Variants in NUP133 observed in about 807,000 individuals in gnomAD.
NUP133 encodes nuclear pore complex protein Nup133.
A neutral mutation model predicts 146.2 loss-of-function variants in NUP133; 66 were observed. That is an observed-to-expected ratio of 0.45 (90% CI 0.37 to 0.55). NUP133 has a LOEUF of 0.55. Ranked by LOEUF, NUP133 falls within the 20% of genes least tolerant of loss-of-function variation. The probability of loss-of-function intolerance (pLI) is 0.00; values close to 1 mark genes in which losing one functional copy is unlikely to be tolerated. For missense variants in NUP133, 1,277 were observed against 1,374.8 expected (o/e 0.93, Z 1.12); for synonymous variants, 521 against 498.8 (o/e 1.04, Z -0.59).
At chr1:229,454,184 A>G (rs78399347) in intron 21 of NUP133, among the ~76,000 whole-genome samples, 2,549 of 152,216 alleles carry the variant, frequency 0.017, 71 homozygotes, top group African/African-American at 0.058. Context: ...GGTTATCTCC[A>G]TTGGATGAGG....
chr1:229,469,559 G>A (rs1660906410), intron 15 of NUP133, among the ~76,000 whole-genome samples: 1 of 152,218 alleles, frequency 6.6e-6, no homozygotes, highest in Non-Finnish European at 1.5e-5. Context: ...ACCCTAGGAT[G>A]AGGCATTATC....
At chr1:229,460,465 C>A in intron 20 of NUP133, 146 bp downstream of exon 20, 1 of 741,792 alleles carries the variant, frequency 1.3e-6, no homozygotes, top group Non-Finnish European at 2.1e-6. Context: ...GTATAAGCCA[C>A]CATGCCCAGC....
intron 14 of NUP133, among the ~76,000 whole-genome samples, chr1:229,474,012 G>A (rs1227949478): frequency 6.6e-6 from 1 of 152,172 alleles, no homozygotes; most frequent in East Asian, 1.9e-4. Context: ...TCACTTTACT[G>A]GAAGTAACAT....
At chr1:229,461,966 C>T (rs1382256665) in intron 19 of NUP133, among the ~76,000 whole-genome samples, 1 of 151,930 alleles carries the variant, frequency 6.6e-6, no homozygotes, top group African/African-American at 2.4e-5. Context: ...TCACTGCAAC[C>T]TCCTCCTTTT....
At position 229,441,113 on chromosome 1, in the gene NUP133, A is replaced by G. The variant is rs1273020341; in HGVS notation, c.*791T>C. ...TCACATCAATTGCCATATTAGGAAA[A>G]CCTATAATGGTTTCTAGTATCATTC... On this transcript the variant is annotated 3_prime_UTR_variant, in exon 26 of 26. Coordinates refer to ENST00000261396, the MANE Select transcript of NUP133 (RefSeq NM_018230.3). 15 of 265,656 alleles carry G rather than the reference A, an allele frequency of 5.6e-5. 1 individual carries two copies. Among genetic ancestry groups the G allele is most frequent in the South Asian group, 5.6e-4 (13 of 23,080 alleles). The allele number at this position is 265,656 out of a possible 1,614,324, so 16.5% of individuals were successfully genotyped here.
intron 20 of NUP133, among the ~76,000 whole-genome samples, chr1:229,459,679 C>T (rs780011706): frequency 3.3e-5 from 5 of 152,158 alleles, no homozygotes; most frequent in African/African-American, 7.2e-5. Flanking sequence ...AATGCTGTTG[C>T]AAATGAGAGA....
chr1:229,462,163 C>A (rs1219960882), intron 19 of NUP133, among the ~76,000 whole-genome samples: 1 of 152,158 alleles, frequency 6.6e-6, no homozygotes, highest in Non-Finnish European at 1.5e-5. Flanking sequence ...GGATTACAGG[C>A]GTGAGCCACC....
chr1:229,449,093 A>T, intron 24 of NUP133, 33 bp downstream of exon 24: 1 of 1,541,830 alleles, frequency 6.5e-7, no homozygotes, highest in Non-Finnish European at 9.0e-7. Flanking sequence ...CAGTTTCTAT[A>T]CTTTCCAAAG....
chr1:229,460,476 T>C, intron 20 of NUP133, 135 bp downstream of exon 20: 1 of 812,276 alleles, frequency 1.2e-6, no homozygotes, highest in African/African-American at 1.7e-5. Flanking sequence ...CATGCCCAGC[T>C]CCCTTATATA....
chr1:229,446,553 C>A (rs904449633), intron 24 of NUP133, among the ~76,000 whole-genome samples: 2 of 151,760 alleles, frequency 1.3e-5, no homozygotes, highest in Admixed American at 6.6e-5. Context: ...CAAAGTGAAA[C>A]CCCATCTCTA....
chr1:229,452,734 T>A, intron 21 of NUP133, 91 bp from the exon 22 acceptor site: 1 of 916,236 alleles, frequency 1.1e-6, no homozygotes, highest in Non-Finnish European at 1.7e-6. Context: ...ATCTGAATTT[T>A]AAAAGAAAAA....
intron 1 of NUP133, among the ~76,000 whole-genome samples, chr1:229,507,176 A>G (rs1028359518): frequency 1.3e-5 from 2 of 152,242 alleles, no homozygotes; most frequent in Non-Finnish European, 2.9e-5. Context: ...AGGAATAGAA[A>G]ACACTGACAA....
chr1:229,452,193 A>C (rs1660467716), intron 22 of NUP133, among the ~76,000 whole-genome samples: 1 of 152,162 alleles, frequency 6.6e-6, no homozygotes, highest in Non-Finnish European at 1.5e-5. Flanking sequence ...TTTCTTATAG[A>C]AGAGCTTGAA....
intron 12 of NUP133, among the ~76,000 whole-genome samples, chr1:229,482,999 C>A (rs937951595): frequency 2.6e-5 from 4 of 152,170 alleles, no homozygotes; most frequent in Admixed American, 2.6e-4. Context: ...CCGAGTCCAG[C>A]CCCAACAGTC....
At chr1:229,490,221 G>T in intron 8 of NUP133, 119 bp from the exon 9 acceptor site, 1 of 850,434 alleles carries the variant, frequency 1.2e-6, no homozygotes, top group Non-Finnish European at 1.7e-6. Context: ...ACCTATCCAA[G>T]AGAAAATTTA....
At chr1:229,502,420 G>A (rs1661824304) in intron 2 of NUP133, among the ~76,000 whole-genome samples, 2 of 151,836 alleles carry the variant, frequency 1.3e-5, no homozygotes, top group South Asian at 4.2e-4. Context: ...TTAGCTGAGT[G>A]TGGTGGCACG....
At chr1:229,475,291 T>C (rs1661049381) in intron 14 of NUP133, among the ~76,000 whole-genome samples, 1 of 152,110 alleles carries the variant, frequency 6.6e-6, no homozygotes. Context: ...GGATAACCTT[T>C]ACCCAAAAAA....
At chr1:229,468,693 G>A (rs1660881709) in intron 15 of NUP133, among the ~76,000 whole-genome samples, 1 of 152,060 alleles carries the variant, frequency 6.6e-6, no homozygotes, top group East Asian at 1.9e-4. Context: ...TAATGAACCA[G>A]GCTCTTGCTC....
intron 13 of NUP133, among the ~76,000 whole-genome samples, chr1:229,476,921 C>A (rs572015278): frequency 7.6e-6 from 1 of 132,156 alleles, no homozygotes. Context: ...AAGGGAGACC[C>A]TGTTTCCAAA....
Sources: allele counts gnomAD v4.1 joint callset (sites outside exome capture counted in the v4.1 genomes callset), GRCh38; gene constraint gnomAD v4.1.1; transcripts MANE v1.5; gene names NCBI Gene and HGNC (gene_info 2026-07-23, HGNC 2026-07-21).